The following ATR variants were observed in gnomAD, a reference collection of about 807,000 sequenced individuals.
ATR encodes ATR checkpoint kinase, also known as serine/threonine-protein kinase ATR.
In ATR, 142 loss-of-function variants were observed where a neutral mutation model predicts 305.3. The ratio of observed to expected loss-of-function variants is 0.47; its 90% confidence interval spans 0.41 to 0.53. The LOEUF is 0.53. Ranked by LOEUF, ATR falls within the 20% of genes least tolerant of loss-of-function variation. ATR has a pLI of 0.00. For missense variants in ATR, 2,135 were observed against 3,133.1 expected (o/e 0.68, Z 7.60); for synonymous variants, 1,050 against 1,068.1 (o/e 0.98, Z 0.33).
chr3:142,512,939 A>G (rs1021302271), intron 26 of ATR, among the ~76,000 whole-genome samples: 1 of 152,236 alleles, frequency 6.6e-6, no homozygotes, highest in African/African-American at 2.4e-5. Flanking sequence ...ATATTAGTCT[A>G]AAAAGAAAAT....
chr3:142,477,668 T>C (rs2029993098), intron 36 of ATR, among the ~76,000 whole-genome samples: 1 of 152,258 alleles, frequency 6.6e-6, no homozygotes, highest in South Asian at 2.1e-4. Flanking sequence ...GAATGAATGG[T>C]ACCAGTTCCT....
chr3:142,568,041 T>A, intron 2 of ATR, 22 bp downstream of exon 2: 1 of 1,542,460 alleles, frequency 6.5e-7, no homozygotes, highest in Non-Finnish European at 8.9e-7. Context: ...AAAGTTTATA[T>A]AAGAAATAAT....
At position 142,503,467 on chromosome 3, in the gene ATR, A is replaced by G; in HGVS notation, c.5197-14T>C. Reference sequence around the variant, plus strand: ...ATAATGAATGATCTAGAAATTTAAAAATATTTAAAATAGCAATTATCACTT... The same window carrying G: ...ATAATGAATGATCTAGAAATTTAAAGATATTTAAAATAGCAATTATCACTT... On this transcript the variant is annotated splice_polypyrimidine_tract_variant and intron_variant, in intron 29 of 46. Transcript: ENST00000350721. 1.3e-6 allele frequency: 2 copies of G among 1,512,510 alleles called. No individual in the cohort carries two copies. Among genetic ancestry groups the G allele is most frequent in the Non-Finnish European group, 1.8e-6 (2 of 1,093,278 alleles). 93.7% of individuals were successfully genotyped at this position (1,512,510 alleles called of 1,614,324 possible).
At chr3:142,568,270 G>A (rs2035139405) in intron 1 of ATR, 116 bp from the exon 2 acceptor site, 1 of 739,740 alleles carries the variant, frequency 1.4e-6, no homozygotes, top group Non-Finnish European at 2.3e-6. Context: ...GATATTCACA[G>A]TATTCTTCTG....
At chr3:142,547,417 T>C (rs1432915487) in intron 16 of ATR, among the ~76,000 whole-genome samples, 1 of 152,108 alleles carries the variant, frequency 6.6e-6, no homozygotes, top group Non-Finnish European at 1.5e-5. Context: ...AAAAATAAAA[T>C]CTACTAAAAA....
chr3:142,556,979 C>T (rs1361788352), intron 8 of ATR, among the ~76,000 whole-genome samples: 1 of 152,110 alleles, frequency 6.6e-6, no homozygotes, highest in Non-Finnish European at 1.5e-5. Context: ...CTTTGGAGAA[C>T]AATACAGCAG....
intron 42 of ATR, 95 bp downstream of exon 42, chr3:142,461,845 C>A: frequency 7.3e-7 from 1 of 1,360,946 alleles, no homozygotes; most frequent in Admixed American, 1.8e-5. Context: ...TAGCTTATAT[C>A]AAAAAACATA....
At position 142,470,072 on chromosome 3, in the gene ATR, G is replaced by T. The variant is rs767196742; in HGVS notation, c.6319+14C>A. On this transcript the variant is annotated intron_variant, in intron 37 of 46. Transcript: ENST00000350721. ...ATTCCTAGTCCTTTAAAACTTTTAC[G>T]TGAAGAGTTATACCTTTTTCCCATT... 2.5e-6 allele frequency: 4 copies of T among 1,576,884 alleles called. No homozygotes were observed. The highest frequency in any genetic ancestry group is 2.6e-6 in the Non-Finnish European group (3 of 1,148,476).
chr3:142,566,439 C>T (rs975844988), intron 2 of ATR, among the ~76,000 whole-genome samples, 178 bp from the exon 3 acceptor site: 13 of 151,968 alleles, frequency 8.6e-5, no homozygotes, highest in African/African-American at 2.9e-4. Flanking sequence ...GATAAGATGT[C>T]AAGATCCCGT....
chr3:142,483,852 AAAATG>A (rs2030716104), intron 36 of ATR, among the ~76,000 whole-genome samples: 1 of 149,792 alleles, frequency 6.7e-6, no homozygotes, highest in African/African-American at 2.4e-5. Flanking sequence ...AAAATAAAAT[AAAATG>A]AAATAAAATA....
chr3:142,451,974 C>A, intron 46 of ATR: 1 of 1,093,870 alleles, frequency 9.1e-7, no homozygotes, highest in African/African-American at 1.7e-5. Context: ...AGGAACATGT[C>A]CCAGAGACCA....
rs576777097 is a variant in ATR at position 142,551,430 on chromosome 3, G to A, written c.2806-1128C>T. Among the ~76,000 whole-genome samples, 22 of 152,166 alleles carry A rather than the reference G, an allele frequency of 1.4e-4. No homozygotes were observed. The South Asian group carries it at 4.2e-3, about 29-fold the overall frequency. On this transcript the variant is annotated intron_variant, in intron 13 of 46. Transcript: ENST00000350721. The stretch of plus-strand genomic sequence containing the variant: ...TGCCTGGACAACAGAGTGAAATTTG[G>A]TCTCTAAGAAATGTTTAAAATAAAA...
In ATR at chr3:142,562,752, A is replaced by T; in HGVS notation, c.650T>A (p.Ile217Asn). ...TTGCCTTCTAAAAAACACAATTGCA[A>T]TAATACGAGTAAGAACCATTAATAA... ...VTLLMVLTRI[I>N]AIVFFRRQEL... Residue 217 changes from isoleucine to asparagine, a missense_variant, in exon 4 of 47, where the codon ATT becomes AAT. Physicochemically the swap from Ile to Asn is moderately radical, Grantham distance 149 (BLOSUM62 -3). This residue lies in a region of ATR where 744 missense variants were observed against 873.2 expected (regional missense o/e 0.85). Transcript: ENST00000350721. The T allele has an allele frequency of 6.2e-7, 1 of 1,613,534 alleles. No individual in the cohort carries two copies. The highest frequency in any genetic ancestry group is 8.5e-7 in the Non-Finnish European group (1 of 1,179,824).
At chr3:142,565,483 A>C (rs925643711) in intron 3 of ATR, among the ~76,000 whole-genome samples, 2 of 152,324 alleles carry the variant, frequency 1.3e-5, no homozygotes, top group African/African-American at 4.8e-5. Flanking sequence ...GCGGTCAGCA[A>C]ACTTTTTTTA....
intron 46 of ATR, chr3:142,450,343 A>C: frequency 8.0e-7 from 1 of 1,255,742 alleles, no homozygotes; most frequent in Non-Finnish European, 1.1e-6. Context: ...AACCAAACCC[A>C]GTTCATTCAA....
chr3:142,563,005 G>T lies in ATR; in HGVS notation c.397C>A (p.Leu133Ile), dbSNP rs146413649. ...ATAGCAGGACTCTTGCTTTTAAAAAGAAATAATAATGAACAGATGACTTCA... is the reference window on the plus strand; with the variant it reads ...ATAGCAGGACTCTTGCTTTTAAAAATAAATAATAATGAACAGATGACTTCA... ...ICEVICSLLF[L>I]FKSKSPAIFG... The change falls in exon 4 of 47, where the codon CTT becomes ATT. Residue 133 changes from leucine to isoleucine, a missense_variant. Leu to Ile is a conservative substitution (Grantham distance 5). Transcript: ENST00000350721. The T allele has an allele frequency of 3.1e-6, 5 of 1,598,220 alleles. No individual in the cohort carries two copies. The African/African-American group carries it at 5.4e-5, about 17-fold the overall frequency.
rs570030975 is a variant in ATR at position 142,499,551 on chromosome 3, C to T, written c.5380+76G>A. On this transcript the variant is annotated intron_variant, in intron 31 of 46. Transcript: ENST00000350721. Reference sequence around the variant, plus strand: ...CCTCATGATCCGCCCGCCTCAGCCGCCCAAAGTGCTGGGATTACAGGCGTG... The same window carrying T: ...CCTCATGATCCGCCCGCCTCAGCCGTCCAAAGTGCTGGGATTACAGGCGTG... 543 of 1,386,758 alleles carry T rather than the reference C, an allele frequency of 3.9e-4. 10 individuals carry two copies. The South Asian group carries it at 5.8e-3, about 15-fold the overall frequency. The allele number at this position is 1,386,758 out of a possible 1,614,324, so 85.9% of individuals were successfully genotyped here.
chr3:142,549,310 C>G (rs2034392125), intron 15 of ATR, among the ~76,000 whole-genome samples, 169 bp downstream of exon 15: 1 of 152,088 alleles, frequency 6.6e-6, no homozygotes, highest in African/African-American at 2.4e-5. Context: ...AAGGAGAATT[C>G]TATTTAATAT....
At chr3:142,541,067 T>G in intron 17 of ATR, 33 bp from the exon 18 acceptor site, 1 of 1,612,320 alleles carries the variant, frequency 6.2e-7, no homozygotes, top group African/African-American at 1.3e-5. Context: ...AGAGTAAAGC[T>G]TATAAACATG....
Sources: gnomAD v4.1 joint callset for allele counts (sites outside exome capture counted in the v4.1 genomes callset) on GRCh38, gnomAD v4.1.1 for gene constraint, gnomAD v4.1.1 regional missense constraint, MANE v1.5 for transcripts, NCBI Gene and HGNC (gene_info 2026-07-23, HGNC 2026-07-21) for gene names.